Variants in CDH13 observed in about 807,000 individuals in gnomAD.
CDH13 encodes cadherin-13.
A neutral mutation model predicts 63.8 loss-of-function variants in CDH13; 24 were observed. That is an observed-to-expected ratio of 0.38 (90% CI 0.27 to 0.53). The LOEUF (loss-of-function observed/expected upper bound fraction) is 0.53. CDH13 is among the 20% of genes least tolerant of loss of function. The probability of loss-of-function intolerance (pLI) is 0.85; values close to 1 mark genes in which losing one functional copy is unlikely to be tolerated. For missense variants in CDH13, 1,049 were observed against 903.1 expected, an observed-to-expected ratio of 1.16 and a Z score of -2.07; for synonymous variants, 503 against 355.3, an observed-to-expected ratio of 1.42 and a Z score of -4.67.
In CDH13 at chr16:83,780,291, A is replaced by T; in HGVS notation, c.1915+90A>T. ...ATGCTGTTTCTCTACTGTTCTCTCAAGTATTCTCATTTGGTTCATTTTAAG... is the reference window on the plus strand; with the variant it reads ...ATGCTGTTTCTCTACTGTTCTCTCATGTATTCTCATTTGGTTCATTTTAAG... On this transcript the variant is annotated intron_variant, in intron 12 of 13. Coordinates refer to ENST00000567109, the MANE Select transcript of CDH13 (RefSeq NM_001257.5). 3 of 815,474 alleles carry T rather than the reference A, an allele frequency of 3.7e-6. No homozygotes were observed. In the South Asian group the frequency reaches 5.7e-5, roughly 16 times the overall value. 50.5% of individuals were successfully genotyped at this position (815,474 alleles called of 1,614,324 possible). A position where few individuals can be genotyped will look rare whatever the true frequency, so the allele number is the denominator to read the frequency against.
chr16:83,431,267 G>T (rs984579732), intron 6 of CDH13, among the ~76,000 whole-genome samples: 3 of 151,640 alleles, frequency 2.0e-5, no homozygotes, highest in Non-Finnish European at 4.4e-5. Flanking sequence ...GAATAATGCC[G>T]CAATAAACAT....
chr16:83,414,716 A>G (rs180977581), intron 6 of CDH13, among the ~76,000 whole-genome samples: 59 of 152,326 alleles, frequency 3.9e-4, no homozygotes, highest in African/African-American at 1.4e-3. Flanking sequence ...AATGTCTTCA[A>G]GATTCATCCA....
At chr16:82,946,720 C>CAAAAAA (rs55633638) in intron 2 of CDH13, among the ~76,000 whole-genome samples, 33,502 of 147,520 alleles carry the variant, frequency 0.23, 3,726 homozygotes, top group Admixed American at 0.27. Context: ...AACTCTGTCT[C>CAAAAAA]AAAAAAAAGA....
In CDH13 at chr16:82,788,249, C is replaced by A. The variant is rs150708548; in HGVS notation, c.46-70113C>A. Among the ~76,000 whole-genome samples the A allele has an allele frequency of 2.2e-3, 337 of 152,296 alleles. 1 individual carries two copies. Among genetic ancestry groups the A allele is most frequent in the African/African-American group, 7.8e-3 (326 of 41,550 alleles). ...TATATTTTGTTCTCAAATCCAGCAG[C>A]CTTGACTTGACATGGGATGGTTGGG... On this transcript the variant is annotated intron_variant, in intron 1 of 13. Coordinates refer to ENST00000567109, the MANE Select transcript of CDH13 (RefSeq NM_001257.5).
chr16:83,368,885 TATATATATATA>T (rs2091305677), intron 6 of CDH13, among the ~76,000 whole-genome samples: 1 of 33,406 alleles, frequency 3.0e-5, no homozygotes. Flanking sequence ...TATTCCATGT[TATATATATATA>T]TATATATATA....
intron 9 of CDH13, among the ~76,000 whole-genome samples, chr16:83,676,598 T>C (rs1320910698): frequency 1.3e-5 from 2 of 152,232 alleles, no homozygotes; most frequent in Non-Finnish European, 2.9e-5. Flanking sequence ...ACTGCTGTGT[T>C]ACAAGGATTG....
At chr16:83,622,337 G>A (rs763315871) in intron 8 of CDH13, among the ~76,000 whole-genome samples, 2 of 151,562 alleles carry the variant, frequency 1.3e-5, no homozygotes, top group Admixed American at 6.6e-5. Context: ...ACTCCCCTGA[G>A]CTTCTACACA....
chr16:82,711,252 C>T (rs903874570), intron 1 of CDH13, among the ~76,000 whole-genome samples: 6 of 152,168 alleles, frequency 3.9e-5, no homozygotes, highest in African/African-American at 1.2e-4. Flanking sequence ...TCTGTTTCAT[C>T]TCACCAGTGA....
intron 6 of CDH13, among the ~76,000 whole-genome samples, chr16:83,352,532 C>T (rs903127862): frequency 4.6e-5 from 7 of 152,166 alleles, no homozygotes; most frequent in Non-Finnish European, 7.3e-5. Flanking sequence ...GTTATCACTA[C>T]GTATATTCAT....
rs563751690 is a variant in CDH13 at position 83,353,861 on chromosome 16, T to C, written c.781+8855T>C. Among the ~76,000 whole-genome samples the C allele has an allele frequency of 6.6e-4, 101 of 152,346 alleles. No individual in the cohort carries two copies. The South Asian group carries it at 0.02, about 31-fold the overall frequency. ...CTTCCTTGTAAAAATAAACGCTTAATAGCCCTGCCCACTAATTTTTTGGAT... is the reference window on the plus strand; with the variant it reads ...CTTCCTTGTAAAAATAAACGCTTAACAGCCCTGCCCACTAATTTTTTGGAT... On this transcript the variant is annotated intron_variant, in intron 6 of 13. Coordinates refer to ENST00000567109, the MANE Select transcript of CDH13 (RefSeq NM_001257.5).
rs8048473 is a variant in CDH13, at chr16:83,594,953, T to C, written c.961-7501T>C. Among the ~76,000 whole-genome samples the C allele has an allele frequency of 5.2e-3, 789 of 152,330 alleles. 5 individuals are homozygous for C. Among genetic ancestry groups the C allele is most frequent in the African/African-American group, 0.018 (748 of 41,566 alleles). ...GTCTGTGGAGATTCACTCGAGGCTT[T>C]TTCTTGCAGACATACCATCTTGCTT... On this transcript the variant is annotated intron_variant, in intron 7 of 13. Transcript: ENST00000567109.
chr16:83,240,502 A>G (rs1197879430), intron 5 of CDH13, among the ~76,000 whole-genome samples: 2 of 152,086 alleles, frequency 1.3e-5, no homozygotes, highest in Non-Finnish European at 2.9e-5. Flanking sequence ...TTAGAGAGTG[A>G]GGCTAGAGTG....
At chr16:83,146,627 C>G (rs769727681) in intron 4 of CDH13, among the ~76,000 whole-genome samples, 1 of 152,206 alleles carries the variant, frequency 6.6e-6, no homozygotes, top group Admixed American at 6.5e-5. Flanking sequence ...GTCACGTTAA[C>G]CAGAATGGTA....
chr16:83,055,652 TA>T (rs987482144), intron 3 of CDH13, among the ~76,000 whole-genome samples: 32 of 152,098 alleles, frequency 2.1e-4, no homozygotes, highest in Middle Eastern at 3.4e-3. Flanking sequence ...GGCTTCATGG[TA>T]AATTCCACCA....
intron 3 of CDH13, among the ~76,000 whole-genome samples, chr16:83,036,002 C>G (rs1213305848): frequency 6.6e-6 from 1 of 152,158 alleles, no homozygotes; most frequent in African/African-American, 2.4e-5. Context: ...GTTACTGTTA[C>G]TGGTGCTGTT....
chr16:83,093,052 A>G (rs113019543), intron 3 of CDH13, among the ~76,000 whole-genome samples: 1,794 of 152,254 alleles, frequency 0.012, 14 homozygotes, highest in Non-Finnish European at 0.019. Context: ...TCTCTTCTTC[A>G]TTATTATTGC....
chr16:83,061,076 G>A (rs543258825), intron 3 of CDH13, among the ~76,000 whole-genome samples: 15 of 152,264 alleles, frequency 9.9e-5, no homozygotes, highest in South Asian at 2.1e-4. Context: ...AAGGTATTGC[G>A]CTCTCCATTT....
Position 83,216,429 on chromosome 16 carries a change from T to TATATATAA in CDH13, c.484-909_484-908insAATATATA, listed in dbSNP as rs1555513909. 2.0e-4 allele frequency among the ~76,000 whole-genome samples: 21 copies of TATATATAA among 105,702 alleles called. 3 individuals carry two copies. Among genetic ancestry groups the TATATATAA allele is most frequent in the African/African-American group, 2.6e-4 (8 of 30,750 alleles). 69.3% of individuals were successfully genotyped at this position (105,702 alleles called of 152,430 possible). A position where few individuals can be genotyped will look rare whatever the true frequency, so the allele number is the denominator to read the frequency against. ...ATATATATATATATATATATATATA[T>TATATATAA]ATATATATATATATACACAACCCTA... On this transcript the variant is annotated intron_variant, in intron 4 of 13. Transcript: ENST00000567109.
chr16:83,176,758 G>C (rs542921634), intron 4 of CDH13, among the ~76,000 whole-genome samples: 97 of 152,182 alleles, frequency 6.4e-4, no homozygotes, highest in Middle Eastern at 6.8e-3. Flanking sequence ...TTAGTTGCTT[G>C]ATGAAATGGA....
Sources: gnomAD v4.1 joint callset for allele counts (sites outside exome capture counted in the v4.1 genomes callset) on GRCh38, gnomAD v4.1.1 for gene constraint, MANE v1.5 for transcripts, NCBI Gene and HGNC (gene_info 2026-07-23, HGNC 2026-07-21) for gene names.